The following PBRM1 variants were observed in gnomAD, a reference collection of about 807,000 sequenced individuals.
The protein encoded by PBRM1 is protein polybromo-1.
A neutral mutation model predicts 194.5 loss-of-function variants in PBRM1; 27 were observed. The observed-to-expected ratio is 0.14, with a 90% CI of 0.10 to 0.19. PBRM1 has a LOEUF of 0.19. Ranked by LOEUF, PBRM1 falls within the 10% of genes least tolerant of loss-of-function variation. The pLI, the probability that PBRM1 is intolerant of heterozygous loss-of-function variation, is 1.00. For synonymous variants in PBRM1, 655 were observed against 693.2 expected, an observed-to-expected ratio of 0.94 and a Z score of 0.87; for missense variants, 1,466 against 2,077.2, an observed-to-expected ratio of 0.71 and a Z score of 5.72.
exon 21 of PBRM1, chr3:52,579,161 T>C: frequency 6.2e-7 from 1 of 1,614,080 alleles, no homozygotes. Flanking sequence ...GGCAACCTGG[T>C]TCACCATTGG....
At chr3:52,590,194 G>T (rs1337772499) in intron 17 of PBRM1, among the ~76,000 whole-genome samples, 1 of 151,834 alleles carries the variant, frequency 6.6e-6, no homozygotes, top group Non-Finnish European at 1.5e-5. Context: ...GCTCACGCCT[G>T]TAATCCCAGC....
At position 52,563,510 on chromosome 3, in the gene PBRM1, A is replaced by T. The variant is rs760967938; in HGVS notation, c.3876-17T>A. On this transcript the variant is annotated splice_polypyrimidine_tract_variant and intron_variant, in intron 23 of 29. Coordinates refer to ENST00000296302, the Ensembl canonical transcript of PBRM1. ...ATTGGTTTTCTGAAAAAAGTGACATAAAAAACCTAAAATCACCTAATGCCC... is the reference window on the plus strand; with the variant it reads ...ATTGGTTTTCTGAAAAAAGTGACATTAAAAACCTAAAATCACCTAATGCCC... The T allele has an allele frequency of 1.8e-5, 29 of 1,589,880 alleles. No individual in the cohort carries two copies. In the Admixed American group the frequency reaches 4.8e-4, roughly 27 times the overall value.
chr3:52,617,190 C>T (rs2095008475), intron 14 of PBRM1, 72 bp downstream of exon 16: 2 of 1,264,904 alleles, frequency 1.6e-6, no homozygotes, highest in African/African-American at 3.0e-5. Flanking sequence ...GCTGGTCTCT[C>T]AAAATGCATT....
chr3:52,653,611 A>C (rs991974648), intron 5 of PBRM1, among the ~76,000 whole-genome samples: 164 of 146,354 alleles, frequency 1.1e-3, no homozygotes, highest in African/African-American at 3.7e-3. Context: ...AAAGAAAGAA[A>C]GAAATGAAGC....
chr3:52,659,973 C>A (rs560032574), intron 4 of PBRM1, among the ~76,000 whole-genome samples: 6 of 152,152 alleles, frequency 3.9e-5, no homozygotes, highest in Non-Finnish European at 8.8e-5. Context: ...CATCTGCAAT[C>A]GCAGCTACTC....
chr3:52,619,667 T>C, intron 13 of PBRM1, among the ~76,000 whole-genome samples: 1 of 152,150 alleles, frequency 6.6e-6, no homozygotes, highest in East Asian at 1.9e-4. Context: ...GGTCTTCTGG[T>C]CCAGTCCCCT....
At chr3:52,599,259 C>T (rs1341295401) in intron 17 of PBRM1, among the ~76,000 whole-genome samples, 1 of 152,096 alleles carries the variant, frequency 6.6e-6, no homozygotes, top group African/African-American at 2.4e-5. Context: ...CAACGTATAA[C>T]AATCAAATCA....
At chr3:52,612,768 T>C (rs966110972) in intron 15 of PBRM1, among the ~76,000 whole-genome samples, 1 of 152,048 alleles carries the variant, frequency 6.6e-6, no homozygotes, top group African/African-American at 2.4e-5. Context: ...TAGCTAGGCA[T>C]GGTGGCGTGT....
chr3:52,676,142 AAAAAAAAAAAT>A (rs1174864519), intron 2 of PBRM1, among the ~76,000 whole-genome samples: 2 of 122,974 alleles, frequency 1.6e-5, no homozygotes, highest in African/African-American at 5.9e-5. Flanking sequence ...AAAAAAAAAA[AAAAAAAAAAAT>A]AATGAATGAA....
chr3:52,681,152 C>T (rs1444646156), upstream of PBRM1: 1 of 151,306 alleles, frequency 6.6e-6, no homozygotes, highest in Non-Finnish European at 1.5e-5. Flanking sequence ...TTTCAGGACA[C>T]TACGACACCA....
chr3:52,640,325 CTGGAG>C (rs1361116625), intron 10 of PBRM1, among the ~76,000 whole-genome samples: 1 of 152,006 alleles, frequency 6.6e-6, no homozygotes, highest in Non-Finnish European at 1.5e-5. Flanking sequence ...GTTGCCCAGG[CTGGAG>C]TGGAGTGGTG....
downstream of PBRM1, chr3:52,545,542 C>T (rs1421438490): frequency 2.1e-5 from 5 of 232,826 alleles, no homozygotes; most frequent in Non-Finnish European, 4.2e-5. Flanking sequence ...AAATCATCAA[C>T]ACCAATTTGG....
intron 22 of PBRM1, among the ~76,000 whole-genome samples, chr3:52,572,264 T>C (rs2087640637): frequency 6.6e-6 from 1 of 151,908 alleles, no homozygotes; most frequent in Non-Finnish European, 1.5e-5. Flanking sequence ...AACCTGCAAA[T>C]AAATTAGGAA....
rs1177139118 is a variant in PBRM1 at position 52,575,508 on chromosome 3, C to CTTTTT, written c.3691+1028_3691+1032dup. On this transcript the variant is annotated intron_variant, in intron 22 of 29. Transcript: ENST00000296302. ...TAAACACATACTTTAAATCAATTGTCTTTTTTTTTTTTTTTTTTTTTTTTT... is the reference window on the plus strand; with the variant it reads ...TAAACACATACTTTAAATCAATTGTCTTTTTTTTTTTTTTTTTTTTTTTTTTTTTT... Among the ~76,000 whole-genome samples, 33 of 87,154 alleles carry CTTTTT rather than the reference C, an allele frequency of 3.8e-4. 1 individual carries two copies. The highest frequency in any genetic ancestry group is 8.3e-4 in the African/African-American group (17 of 20,432). The allele number at this position is 87,154 out of a possible 152,430, so 57.2% of individuals were successfully genotyped here. A position where few individuals can be genotyped will look rare whatever the true frequency, so the allele number is the denominator to read the frequency against.
chr3:52,588,967 A>G (rs946552121), intron 18 of PBRM1, 103 bp downstream of exon 20: 9 of 751,944 alleles, frequency 1.2e-5, no homozygotes, highest in Non-Finnish European at 2.1e-5. Context: ...ATTATTATGG[A>G]AAGGCTTAAG....
At chr3:52,568,563 T>C (rs2086071511) in intron 22 of PBRM1, among the ~76,000 whole-genome samples, 1 of 152,188 alleles carries the variant, frequency 6.6e-6, no homozygotes, top group African/African-American at 2.4e-5. Flanking sequence ...ATGGTTTCTT[T>C]TGGTATCTTT....
At chr3:52,620,065 T>C (rs2095200650) in intron 13 of PBRM1, among the ~76,000 whole-genome samples, 1 of 152,196 alleles carries the variant, frequency 6.6e-6, no homozygotes, top group African/African-American at 2.4e-5. Flanking sequence ...ATATTTTACC[T>C]AGTGGAAACT....
upstream of PBRM1, among the ~76,000 whole-genome samples, chr3:52,683,005 T>C (rs1271421696): frequency 1.3e-5 from 2 of 151,744 alleles, no homozygotes; most frequent in African/African-American, 4.8e-5. Context: ...ATCAAGACCA[T>C]CCTGGCTAAC....
At chr3:52,572,929 T>C (rs980770001) in intron 22 of PBRM1, among the ~76,000 whole-genome samples, 1 of 152,236 alleles carries the variant, frequency 6.6e-6, no homozygotes, top group Non-Finnish European at 1.5e-5. Flanking sequence ...CCCTTTTTCC[T>C]TGGAGGCTGG....
Sources: gnomAD v4.1 joint callset for allele counts (sites outside exome capture counted in the v4.1 genomes callset) on GRCh38, gnomAD v4.1.1 for gene constraint, MANE v1.5 for transcripts, NCBI Gene and HGNC (gene_info 2026-07-23, HGNC 2026-07-21) for gene names.